FHIT: variants seen among roughly 807,000 people sequenced by gnomAD.
The protein encoded by FHIT is fragile histidine triad diadenosine triphosphatase, also known as bis(5'-adenosyl)-triphosphatase.
Under a neutral mutation model 17.9 loss-of-function variants are expected in FHIT, and 19 were observed. The observed-to-expected ratio is 1.06, with a 90% CI of 0.74 to 1.56. The LOEUF (loss-of-function observed/expected upper bound fraction) is 1.56. Among genes scored for constraint, FHIT ranks in the 40% most tolerant of loss-of-function variants. The pLI is 0.00. For synonymous variants in FHIT, 81 were observed against 69.7 expected, an observed-to-expected ratio of 1.16 and a Z score of -0.81; for missense variants, 248 against 189.2, an observed-to-expected ratio of 1.31 and a Z score of -1.82.
intron 4 of FHIT, among the ~76,000 whole-genome samples, chr3:60,674,872 A>ACCT (rs2040587163): frequency 6.6e-6 from 1 of 151,880 alleles, no homozygotes; most frequent in African/African-American, 2.4e-5. Context: ...CTGCAAAGAA[A>ACCT]CCTCCATGTA....
chr3:61,084,378 G>C (rs1295185346), intron 2 of FHIT, among the ~76,000 whole-genome samples: 1 of 152,144 alleles, frequency 6.6e-6, no homozygotes, highest in Non-Finnish European at 1.5e-5. Flanking sequence ...ACTTTGTTCT[G>C]ATTCCCCTTC....
At chr3:61,017,467 G>A (rs2032177065) in intron 3 of FHIT, among the ~76,000 whole-genome samples, 1 of 152,158 alleles carries the variant, frequency 6.6e-6, no homozygotes, top group Non-Finnish European at 1.5e-5. Context: ...ATGAAGGCTG[G>A]TAACACAAGT....
chr3:60,581,131 C>A (rs141489276), intron 4 of FHIT, among the ~76,000 whole-genome samples: 42 of 152,192 alleles, frequency 2.8e-4, no homozygotes, highest in African/African-American at 9.6e-4. Flanking sequence ...CTTGCTCACT[C>A]GCACACACAT....
At chr3:61,237,446 G>T (rs2106903051) in intron 1 of FHIT, among the ~76,000 whole-genome samples, 1 of 152,238 alleles carries the variant, frequency 6.6e-6, no homozygotes, top group East Asian at 1.9e-4. Context: ...CTGGGTTGTT[G>T]TTCATCAACA....
At chr3:60,851,375 T>C (rs868908322) in intron 3 of FHIT, among the ~76,000 whole-genome samples, 9 of 152,080 alleles carry the variant, frequency 5.9e-5, no homozygotes, top group Non-Finnish European at 8.8e-5. Context: ...TATTTTTTCA[T>C]ATATAACAGA....
chr3:60,602,787 G>C (rs1448983116), intron 4 of FHIT, among the ~76,000 whole-genome samples: 1 of 152,012 alleles, frequency 6.6e-6, no homozygotes, highest in Non-Finnish European at 1.5e-5. Flanking sequence ...AGTCATGAGG[G>C]CTCCATTCTC....
intron 4 of FHIT, among the ~76,000 whole-genome samples, chr3:60,583,968 A>T (rs1297199101): frequency 1.3e-5 from 2 of 152,118 alleles, no homozygotes; most frequent in Non-Finnish European, 2.9e-5. Flanking sequence ...CAGAATCTGG[A>T]ATCTGAAAAT....
At chr3:61,227,774 C>A (rs2040005585) in intron 1 of FHIT, among the ~76,000 whole-genome samples, 1 of 152,084 alleles carries the variant, frequency 6.6e-6, no homozygotes, top group Admixed American at 6.6e-5. Context: ...AGAGGAAAAA[C>A]CGGATATATT....
chr3:59,923,423 A>C (rs6787059), intron 7 of FHIT, among the ~76,000 whole-genome samples: 2,968 of 152,132 alleles, frequency 0.02, 96 homozygotes, highest in African/African-American at 0.066. Context: ...TAATCTTTTA[A>C]ATAGCCCATT....
At chr3:60,009,693 T>C (rs1700067474) in intron 7 of FHIT, among the ~76,000 whole-genome samples, 1 of 152,208 alleles carries the variant, frequency 6.6e-6, no homozygotes, top group African/African-American at 2.4e-5. Context: ...TACAATTCAG[T>C]GGCTTTATTA....
intron 5 of FHIT, among the ~76,000 whole-genome samples, chr3:60,017,227 G>A (rs921052095): frequency 2.0e-5 from 3 of 152,116 alleles, no homozygotes; most frequent in Non-Finnish European, 4.4e-5. Context: ...CATGCTGAAC[G>A]CTTAAGAAAC....
At chr3:60,592,264 C>CTA (rs1553664619) in intron 4 of FHIT, among the ~76,000 whole-genome samples, 1 of 142,136 alleles carries the variant, frequency 7.0e-6, no homozygotes, top group African/African-American at 2.5e-5. Flanking sequence ...TATATACTCT[C>CTA]TCTCTATATA....
chr3:60,528,340 T>A (rs771155480), intron 5 of FHIT, among the ~76,000 whole-genome samples: 1 of 152,102 alleles, frequency 6.6e-6, no homozygotes, highest in Non-Finnish European at 1.5e-5. Context: ...TAAAATTATC[T>A]TAATGTAAGA....
chr3:60,080,682 G>C (rs947423668), intron 5 of FHIT: 8 of 152,094 alleles, frequency 5.3e-5, no homozygotes, highest in African/African-American at 1.7e-4. Flanking sequence ...AAGTCCCCGA[G>C]AAAGAAGAAA....
chr3:61,083,507 G>A (rs1048170750), intron 2 of FHIT, among the ~76,000 whole-genome samples: 2 of 152,088 alleles, frequency 1.3e-5, no homozygotes, highest in Admixed American at 6.5e-5. Flanking sequence ...GGAGAATGGC[G>A]TGAACCTGGG....
intron 4 of FHIT, among the ~76,000 whole-genome samples, chr3:60,664,367 T>C (rs148771057): frequency 1.3e-5 from 2 of 152,182 alleles, no homozygotes; most frequent in East Asian, 3.9e-4. Flanking sequence ...TATTCTTTGC[T>C]ATTATTTCAT....
At chr3:61,151,888 T>C (rs977114057) in intron 2 of FHIT, among the ~76,000 whole-genome samples, 2 of 152,166 alleles carry the variant, frequency 1.3e-5, no homozygotes, top group African/African-American at 2.4e-5. Context: ...CGGCCTGATA[T>C]TCTTTTCTTA....
At chr3:60,436,325 C>T (rs747144094) in intron 5 of FHIT, among the ~76,000 whole-genome samples, 1 of 152,128 alleles carries the variant, frequency 6.6e-6, no homozygotes, top group African/African-American at 2.4e-5. Context: ...ACTAGAATTA[C>T]AGGTGTGAGC....
At chr3:60,260,372 A>C (rs1360627360) in intron 5 of FHIT, among the ~76,000 whole-genome samples, 1 of 151,910 alleles carries the variant, frequency 6.6e-6, no homozygotes, top group Non-Finnish European at 1.5e-5. Context: ...AAAAAGAAAA[A>C]AATAGTGTCA....
Sources: allele counts gnomAD v4.1 joint callset (sites outside exome capture counted in the v4.1 genomes callset), GRCh38; gene constraint gnomAD v4.1.1; transcripts MANE v1.5; gene names NCBI Gene and HGNC (gene_info 2026-07-23, HGNC 2026-07-21).